Variants in NRG2 observed in about 807,000 individuals in gnomAD.
NRG2 encodes pro-neuregulin-2, membrane-bound isoform.
NRG2 carries 27 observed loss-of-function variants against 73.9 expected under a neutral mutation model. The observed-to-expected ratio is 0.37, with a 90% CI of 0.27 to 0.50. The LOEUF is 0.50. Ranked by LOEUF, NRG2 falls within the 20% of genes least tolerant of loss-of-function variation. The pLI, the probability that NRG2 is intolerant of heterozygous loss-of-function variation, is 0.96. For missense variants in NRG2, 1,126 were observed against 1,210.1 expected, an observed-to-expected ratio of 0.93 and a Z score of 1.03; for synonymous variants, 532 against 541.0, an observed-to-expected ratio of 0.98 and a Z score of 0.23.
intron 1 of NRG2, among the ~76,000 whole-genome samples, chr5:139,970,837 G>T (rs1368388413): frequency 1.3e-5 from 2 of 152,238 alleles, no homozygotes; most frequent in African/African-American, 4.8e-5. Flanking sequence ...CACCAAAGTA[G>T]AATGTGTAAA....
At chr5:139,931,347 A>G (rs1752454591) in intron 1 of NRG2, among the ~76,000 whole-genome samples, 1 of 152,212 alleles carries the variant, frequency 6.6e-6, no homozygotes, top group Non-Finnish European at 1.5e-5. Context: ...AAATTTAAAC[A>G]TAGTAGTTCA....
chr5:139,849,053 C>T (rs756375916), intron 9 of NRG2, among the ~76,000 whole-genome samples: 4 of 152,094 alleles, frequency 2.6e-5, no homozygotes, highest in African/African-American at 4.8e-5. Flanking sequence ...GGGTCAGGCT[C>T]ACGCTGGGGT....
At position 139,952,206 on chromosome 5, in the gene NRG2, C is replaced by T. The variant is rs75593340; in HGVS notation, c.701-64695G>A. Reference sequence around the variant, plus strand: ...CACCCAATAAATGCAGTTTCCTTTTCCTACCCTGCTCCTCTGCCCAGCCTC... The same window carrying T: ...CACCCAATAAATGCAGTTTCCTTTTTCTACCCTGCTCCTCTGCCCAGCCTC... On this transcript the variant is annotated intron_variant, in intron 1 of 9. Transcript: ENST00000361474. Among the ~76,000 whole-genome samples, 1,173 of 152,336 alleles carry T rather than the reference C, an allele frequency of 7.7e-3. 6 individuals carry two copies. The highest frequency in any genetic ancestry group is 0.034 in the Middle Eastern group (10 of 294).
At chr5:139,910,089 C>A (rs771446015) in intron 1 of NRG2, among the ~76,000 whole-genome samples, 43 of 152,264 alleles carry the variant, frequency 2.8e-4, no homozygotes, top group Non-Finnish European at 5.4e-4. Context: ...TTTGTTTGGG[C>A]CCAGTTTTGC....
intron 1 of NRG2, among the ~76,000 whole-genome samples, chr5:139,917,318 C>T (rs1751329553): frequency 6.6e-6 from 1 of 152,140 alleles, no homozygotes; most frequent in African/African-American, 2.4e-5. Context: ...GTGGTGTGAT[C>T]ACGGTTCACT....
intron 5 of NRG2, among the ~76,000 whole-genome samples, chr5:139,861,194 G>A (rs2127034035): frequency 6.6e-6 from 1 of 152,282 alleles, no homozygotes; most frequent in South Asian, 2.1e-4. Context: ...AGCTCAGCAT[G>A]CGTGCAGGGC....
rs1754432862 is a variant in NRG2 at position 139,954,051 on chromosome 5, A to T, written c.701-66540T>A. Reference sequence around the variant, plus strand: ...GCCTGCTCACTGGGAGGCAAGGGGCAGGGTGTGGGGGTGGCTGGAAGCTGA... The same window carrying T: ...GCCTGCTCACTGGGAGGCAAGGGGCTGGGTGTGGGGGTGGCTGGAAGCTGA... On this transcript the variant is annotated intron_variant, in intron 1 of 9. Transcript: ENST00000361474. The surrounding 1 kb of genome is among the most constrained non-coding windows in gnomAD (Gnocchi z 5.0). Among the ~76,000 whole-genome samples, 1 of 151,640 alleles carries T rather than the reference A, an allele frequency of 6.6e-6. No individual in the cohort carries two copies. Among genetic ancestry groups the T allele is most frequent in the Non-Finnish European group, 1.5e-5 (1 of 67,902 alleles).
intron 1 of NRG2, among the ~76,000 whole-genome samples, chr5:140,029,283 ACAGT>A (rs1760945773): frequency 6.6e-6 from 1 of 152,242 alleles, no homozygotes; most frequent in Non-Finnish European, 1.5e-5. Context: ...AGTAAGAAAC[ACAGT>A]CAGGAACAGA....
At chr5:139,889,590 T>C (rs1204588849) in intron 1 of NRG2, among the ~76,000 whole-genome samples, 1 of 152,198 alleles carries the variant, frequency 6.6e-6, no homozygotes, top group Non-Finnish European at 1.5e-5. Flanking sequence ...TGTTCCTGTA[T>C]GGGTGTATCA....
intron 1 of NRG2, among the ~76,000 whole-genome samples, chr5:140,021,820 GA>G (rs776994526): frequency 6.6e-6 from 1 of 152,166 alleles, no homozygotes; most frequent in Non-Finnish European, 1.5e-5. Context: ...TTTCTGTAGG[GA>G]ATATTAAGTT....
chr5:139,986,139 A>T (rs1239002290), intron 1 of NRG2, among the ~76,000 whole-genome samples: 2 of 152,168 alleles, frequency 1.3e-5, no homozygotes, highest in Non-Finnish European at 2.9e-5. Context: ...GCATCTCCAA[A>T]ATGCTCAGGA....
At chr5:140,022,927 T>C (rs975141913) in intron 1 of NRG2, among the ~76,000 whole-genome samples, 1 of 152,178 alleles carries the variant, frequency 6.6e-6, no homozygotes, top group African/African-American at 2.4e-5. Context: ...ACCTTGACCC[T>C]TTTTTCTCCT....
At position 140,029,687 on chromosome 5, in the gene NRG2, C is replaced by CAAAAAAAAAAAAAAAAAAA. The variant is rs34122778; in HGVS notation, c.700+12682_700+12683insTTTTTTTTTTTTTTTTTTT. ...TGGGTGACAGAGCAAGACTCTGTCTCAAAAAAAAAAAAAAAAGCTCCAGCG... is the reference window on the plus strand; with the variant it reads ...TGGGTGACAGAGCAAGACTCTGTCTCAAAAAAAAAAAAAAAAAAAAAAAAAAAAAAAAAAAGCTCCAGCG... On this transcript the variant is annotated intron_variant, in intron 1 of 9. Transcript: ENST00000361474. 5.4e-4 allele frequency among the ~76,000 whole-genome samples: 33 copies of CAAAAAAAAAAAAAAAAAAA among 61,286 alleles called. 2 individuals carry two copies. Among genetic ancestry groups the CAAAAAAAAAAAAAAAAAAA allele is most frequent in the African/African-American group, 7.0e-4 (13 of 18,478 alleles). The allele number at this position is 61,286 out of a possible 152,430, so 40.2% of individuals were successfully genotyped here.
chr5:139,979,417 G>A (rs374002792), intron 1 of NRG2, among the ~76,000 whole-genome samples: 44 of 152,246 alleles, frequency 2.9e-4, no homozygotes, highest in African/African-American at 9.4e-4. Flanking sequence ...GTTGCTATGA[G>A]GCCAAAATGA....
intron 1 of NRG2, among the ~76,000 whole-genome samples, chr5:139,959,230 T>C (rs1754878151): frequency 6.6e-6 from 1 of 152,206 alleles, no homozygotes; most frequent in Admixed American, 6.5e-5. Context: ...TACGGAGTCT[T>C]GCTCTGTCGC....
intron 3 of NRG2, among the ~76,000 whole-genome samples, chr5:139,876,632 C>A (rs1244667425): frequency 1.3e-5 from 2 of 151,900 alleles, no homozygotes; most frequent in Non-Finnish European, 2.9e-5. Flanking sequence ...GGAGCTGCGT[C>A]CCCGACTGCC....
chr5:139,967,886 G>A (rs1755659038), intron 1 of NRG2, among the ~76,000 whole-genome samples: 1 of 152,042 alleles, frequency 6.6e-6, no homozygotes, highest in Non-Finnish European at 1.5e-5. Flanking sequence ...TTGAATCTGG[G>A]AGGCAGAGGT....
Position 140,008,371 on chromosome 5 carries a change from T to C in NRG2, c.700+33999A>G, listed in dbSNP as rs958167654. 6.6e-6 allele frequency among the ~76,000 whole-genome samples: 1 copy of C among 152,216 alleles called. No homozygotes were observed. Among genetic ancestry groups the C allele is most frequent in the African/African-American group, 2.4e-5 (1 of 41,454 alleles). ...ACCACACAACTGTTTGCTGCATTTA[T>C]TCAACAAATATTTATTGAGCACCTA... is the stretch of plus-strand genomic sequence containing the variant. On this transcript the variant is annotated intron_variant, in intron 1 of 9. Coordinates refer to ENST00000361474, the MANE Select transcript of NRG2 (RefSeq NM_004883.3). The surrounding 1 kb of genome is among the most constrained non-coding windows in gnomAD (Gnocchi z 4.2).
Position 139,847,932 on chromosome 5 carries a change from G to T in NRG2, c.2538C>A (p.Asp846Glu). Residue 846 changes from aspartate (D) to glutamate (E), a missense_variant, in exon 10 of 10, where the codon GAC becomes GAA. Physicochemically the swap from Asp to Glu is conservative, Grantham distance 45. This residue lies in a region of NRG2 where 402 missense variants were observed against 357.8 expected (regional missense o/e 1.12). Transcript: ENST00000361474. ...SRGPPPRAKQ[D>E]SAPL ...CGGCGGGGCCCTAGAGTGGCGCCGAGTCCTGCTTGGCCCGCGGGGGCGGCC... is the reference window on the plus strand; with the variant it reads ...CGGCGGGGCCCTAGAGTGGCGCCGATTCCTGCTTGGCCCGCGGGGGCGGCC... 1 of 1,495,790 alleles carries T rather than the reference G, an allele frequency of 6.7e-7. No individual in the cohort carries two copies. The allele number at this position is 1,495,790 out of a possible 1,614,324, so 92.7% of individuals were successfully genotyped here. A position where few individuals can be genotyped will look rare whatever the true frequency, so the allele number is the denominator to read the frequency against.
Sources: gnomAD v4.1 joint callset for allele counts (sites outside exome capture counted in the v4.1 genomes callset) on GRCh38, gnomAD v4.1.1 for gene constraint, gnomAD v4.1.1 regional missense constraint, Gnocchi (gnomAD v3.1) non-coding constraint, MANE v1.5 for transcripts, NCBI Gene and HGNC (gene_info 2026-07-23, HGNC 2026-07-21) for gene names.